Variants in SLC20A2 observed in about 807,000 individuals in gnomAD.
The protein encoded by SLC20A2 is solute carrier family 20 member 2.
SLC20A2 carries 30 observed loss-of-function variants against 61.0 expected under a neutral mutation model. The ratio of observed to expected loss-of-function variants is 0.49; its 90% CI spans 0.37 to 0.67. SLC20A2 has a LOEUF of 0.67. Ranked by LOEUF, SLC20A2 falls within the 30% of genes least tolerant of loss-of-function variation. The pLI, the probability that SLC20A2 is intolerant of heterozygous loss-of-function variation, is 0.00. For synonymous variants in SLC20A2, 351 were observed against 353.3 expected (o/e 0.99, Z 0.07); for missense variants, 626 against 866.4 (o/e 0.72, Z 3.48).
intron 10 of SLC20A2, among the ~76,000 whole-genome samples, chr8:42,420,776 T>C (rs998866583): frequency 1.3e-5 from 2 of 152,194 alleles, no homozygotes; most frequent in Non-Finnish European, 2.9e-5. Flanking sequence ...TACAATCACA[T>C]TGTTTTGCAA....
At chr8:42,513,231 T>A (rs970533146) in intron 1 of SLC20A2, among the ~76,000 whole-genome samples, 2 of 152,134 alleles carry the variant, frequency 1.3e-5, no homozygotes, top group African/African-American at 4.8e-5. Context: ...TAGAAACATA[T>A]AACGTCTGGA....
chr8:42,448,313 A>G (rs1805386910), intron 5 of SLC20A2, among the ~76,000 whole-genome samples: 1 of 152,250 alleles, frequency 6.6e-6, no homozygotes, highest in Non-Finnish European at 1.5e-5. Flanking sequence ...AGAGAGAAAC[A>G]ATCTGGGATA....
chr8:42,540,518 T>C (rs942628401), intron 1 of SLC20A2, among the ~76,000 whole-genome samples: 10 of 152,160 alleles, frequency 6.6e-5, no homozygotes, highest in African/African-American at 2.4e-4. Flanking sequence ...GTATATACAA[T>C]ATATATAAAT....
rs777799775 is a variant in SLC20A2, at chr8:42,417,176, C to A, written c.*627G>T. On this transcript the variant is annotated 3_prime_UTR_variant, in exon 11 of 11. Coordinates refer to ENST00000520262, the MANE Select transcript of SLC20A2 (RefSeq NM_001257180.2). Reference sequence around the variant, plus strand: ...ACACCATTAAAAAATTACAGTTTTACGTATTTACAAAAGCAATGATGATAT... The same window carrying A: ...ACACCATTAAAAAATTACAGTTTTAAGTATTTACAAAAGCAATGATGATAT... 1 of 152,640 alleles carries A rather than the reference C, an allele frequency of 6.6e-6. No homozygotes were observed. The highest frequency in any genetic ancestry group is 2.4e-5 in the African/African-American group (1 of 41,432). 9.5% of individuals were successfully genotyped at this position (152,640 alleles called of 1,614,324 possible).
intron 5 of SLC20A2, among the ~76,000 whole-genome samples, chr8:42,456,325 G>A (rs556115657): frequency 5.8e-4 from 89 of 152,300 alleles, no homozygotes; most frequent in African/African-American, 2.0e-3. Flanking sequence ...CACCACAGAA[G>A]GCGTCCTCAG....
chr8:42,451,390 G>A (rs550286620), intron 5 of SLC20A2, among the ~76,000 whole-genome samples: 64 of 149,876 alleles, frequency 4.3e-4, no homozygotes, highest in African/African-American at 1.5e-3. Context: ...ATGAAGAGGA[G>A]GAGGAGGAAG....
At chr8:42,517,343 G>C (rs1811377094) in intron 1 of SLC20A2, among the ~76,000 whole-genome samples, 2 of 149,858 alleles carry the variant, frequency 1.3e-5, no homozygotes, top group Admixed American at 1.3e-4. Flanking sequence ...ACTCCAGCCT[G>C]GGCAACTGTA....
chr8:42,435,237 G>C (rs973219217), intron 8 of SLC20A2, among the ~76,000 whole-genome samples: 3 of 152,292 alleles, frequency 2.0e-5, no homozygotes, highest in Non-Finnish European at 4.4e-5. Context: ...CATCTGCAGC[G>C]AGACTTCTTT....
At chr8:42,537,586 CAATCATTGTCCTATGTCCTGGTG>C (rs1812789704) in intron 1 of SLC20A2, 1 of 152,118 alleles carries the variant, frequency 6.6e-6, no homozygotes, top group African/African-American at 2.4e-5. Context: ...TAGTAACAAG[CAATCATTGTCCTATGTCCTGGTG>C]AATCACTGTT....
chr8:42,528,828 G>A (rs191172492), intron 1 of SLC20A2, among the ~76,000 whole-genome samples: 9 of 151,754 alleles, frequency 5.9e-5, no homozygotes, highest in East Asian at 3.9e-4. Context: ...CACCATGCCC[G>A]ACTAATTTTT....
chr8:42,455,257 T>TATATATATAGAG (rs1357416749), intron 5 of SLC20A2, among the ~76,000 whole-genome samples: 9 of 81,616 alleles, frequency 1.1e-4, no homozygotes, highest in African/African-American at 3.5e-4. Flanking sequence ...TATATATATA[T>TATATATATAGAG]AGAGAGAGAG....
At chr8:42,531,527 C>A (rs1489396626) in intron 1 of SLC20A2, among the ~76,000 whole-genome samples, 1 of 152,102 alleles carries the variant, frequency 6.6e-6, no homozygotes, top group Non-Finnish European at 1.5e-5. Flanking sequence ...CAGGACAGCA[C>A]CATATTCATA....
chr8:42,499,464 T>G (rs981737643), intron 1 of SLC20A2, among the ~76,000 whole-genome samples: 8 of 152,210 alleles, frequency 5.3e-5, no homozygotes, highest in Non-Finnish European at 1.0e-4. Context: ...CTCAAGTGTT[T>G]ATGCGCATTT....
rs372230369 is a variant in SLC20A2 at position 42,531,943 on chromosome 8, C to T, written c.-265+9878G>A. Among the ~76,000 whole-genome samples the T allele has an allele frequency of 6.2e-4, 94 of 151,834 alleles. No individual in the cohort carries two copies. The East Asian group carries it at 0.012, about 19-fold the overall frequency. The stretch of plus-strand genomic sequence containing the variant: ...AAGAAATTCTCCTGCCCCAGCCTCC[C>T]GAGTAGCTGGGACTACAGGTGCCTG... On this transcript the variant is annotated intron_variant, in intron 1 of 10. Coordinates refer to the SLC20A2 transcript ENST00000342228.
At chr8:42,435,540 T>C (rs979940493) in intron 8 of SLC20A2, among the ~76,000 whole-genome samples, 22 of 151,988 alleles carry the variant, frequency 1.4e-4, no homozygotes, top group African/African-American at 5.3e-4. Context: ...TACACAGCTG[T>C]AAGACGACAG....
intron 1 of SLC20A2, among the ~76,000 whole-genome samples, chr8:42,526,140 C>T (rs1811919289): frequency 6.6e-6 from 1 of 152,118 alleles, no homozygotes; most frequent in Non-Finnish European, 1.5e-5. Flanking sequence ...AACACGACCC[C>T]AGCAGAGTGA....
At chr8:42,532,586 A>G (rs1438344603) in intron 1 of SLC20A2, among the ~76,000 whole-genome samples, 7 of 152,258 alleles carry the variant, frequency 4.6e-5, no homozygotes, top group Non-Finnish European at 8.8e-5. Flanking sequence ...CTACCCAGGA[A>G]ATGCACAGTA....
Position 42,459,063 on chromosome 8 carries a change from G to A in SLC20A2, c.613+833C>T, listed in dbSNP as rs546481460. ...CGAGGCAGGCGGATCACAAGGTCAGGAGTTCGAGACCAGCCTGGCCAACAT... is the reference window on the plus strand; with the variant it reads ...CGAGGCAGGCGGATCACAAGGTCAGAAGTTCGAGACCAGCCTGGCCAACAT... On this transcript the variant is annotated intron_variant, in intron 5 of 10. Transcript: ENST00000520262. 2.7e-5 allele frequency among the ~76,000 whole-genome samples: 4 copies of A among 149,404 alleles called. No homozygotes were observed. In the South Asian group the frequency reaches 8.5e-4, roughly 32 times the overall value.
intron 5 of SLC20A2, among the ~76,000 whole-genome samples, chr8:42,454,830 T>G (rs2131123906): frequency 6.6e-6 from 1 of 152,194 alleles, no homozygotes; most frequent in African/African-American, 2.4e-5. Flanking sequence ...TCAGCCTTCT[T>G]AAGTGCTGGG....
Sources: gnomAD v4.1 joint callset for allele counts (sites outside exome capture counted in the v4.1 genomes callset) on GRCh38, gnomAD v4.1.1 for gene constraint, MANE v1.5 for transcripts, NCBI Gene and HGNC (gene_info 2026-07-23, HGNC 2026-07-21) for gene names.